The following DNAH11 variants were observed in gnomAD, a reference collection of about 807,000 sequenced individuals.
DNAH11 encodes the protein dynein axonemal heavy chain 11.
DNAH11 carries 442 observed loss-of-function variants against 526.0 expected under a neutral mutation model. The observed-to-expected ratio is 0.84, with a 90% confidence interval of 0.78 to 0.91. DNAH11 has a LOEUF of 0.91. Ranked by LOEUF, DNAH11 falls within the 40% of genes least tolerant of loss-of-function variation. DNAH11 has a pLI of 0.00. For missense variants in DNAH11, 6,989 were observed against 5,448.7 expected (o/e 1.28, Z -8.90); for synonymous variants, 2,461 against 1,935.9 (o/e 1.27, Z -7.12).
chr7:21,668,050 T>C (rs1376942989), intron 30 of DNAH11, among the ~76,000 whole-genome samples: 1 of 152,160 alleles, frequency 6.6e-6, no homozygotes, highest in East Asian at 1.9e-4. Context: ...TTCCACTCTT[T>C]CTATAAAGTT....
intron 29 of DNAH11, among the ~76,000 whole-genome samples, chr7:21,657,500 C>G (rs1464656329): frequency 2.6e-5 from 4 of 152,258 alleles, no homozygotes; most frequent in Non-Finnish European, 5.9e-5. Context: ...TGTACGTGAG[C>G]TGACATATTG....
In DNAH11 at chr7:21,615,214, A is replaced by G. The variant is rs1785712550; in HGVS notation, c.3953A>G (p.Gln1318Arg). Reference sequence around the variant, plus strand: ...CTTCCAGAGTACAAACAAATGAAACAGTGTCGCAAAGAAATAAAATTGCTC... The same window carrying G: ...CTTCCAGAGTACAAACAAATGAAACGGTGTCGCAAAGAAATAAAATTGCTC... ...VALPEYKQMK[Q>R]CRKEIKLLKG... Residue 1318 changes from glutamine to arginine, a missense_variant, in exon 21 of 82, where the codon CAG (glutamine) becomes CGG (arginine). By Grantham distance (43) the Gln-to-Arg change is conservative. Transcript: ENST00000409508. 6.2e-7 allele frequency: 1 copy of G among 1,613,448 alleles called. No homozygotes were observed. The highest frequency in any genetic ancestry group is 1.3e-5 in the African/African-American group (1 of 74,924).
intron 30 of DNAH11, among the ~76,000 whole-genome samples, chr7:21,675,206 A>G (rs1782824544): frequency 6.6e-6 from 1 of 152,354 alleles, no homozygotes; most frequent in African/African-American, 2.4e-5. Flanking sequence ...GAGCTGGGCA[A>G]GCCCTGCATG....
At chr7:21,775,930 C>A (rs1021219391) in intron 56 of DNAH11, among the ~76,000 whole-genome samples, 1 of 152,174 alleles carries the variant, frequency 6.6e-6, no homozygotes, top group Non-Finnish European at 1.5e-5. Flanking sequence ...ACTGTGGGGG[C>A]ATCCTTAGCA....
At chr7:21,650,111 A>G (rs1454562410) in intron 28 of DNAH11, among the ~76,000 whole-genome samples, 1 of 152,206 alleles carries the variant, frequency 6.6e-6, no homozygotes, top group Admixed American at 6.5e-5. Flanking sequence ...AAAACCCAGC[A>G]TTTGTGTTGT....
intron 68 of DNAH11, among the ~76,000 whole-genome samples, chr7:21,854,892 C>T (rs757830219): frequency 1.3e-4 from 20 of 152,006 alleles, no homozygotes; most frequent in Non-Finnish European, 2.4e-4. Context: ...TCATGAGGAT[C>T]TGGTTAACAA....
In DNAH11 at chr7:21,606,667, A is replaced by G. The variant is rs756045492; in HGVS notation, c.3786A>G (p.Arg1262=). The change falls in exon 20 of 82, where the codon AGA becomes AGG. Residue 1262 remains arginine (R), a synonymous_variant. Transcript: ENST00000409508. Reference sequence around the variant, plus strand: ...ATCAGGCAAAGCAGGCAGAGTTCAGAGAGAGATTCAGACACTATGCCCCTC... The same window carrying G: ...ATCAGGCAAAGCAGGCAGAGTTCAGGGAGAGATTCAGACACTATGCCCCTC... The part of the protein sequence containing the change: ...ILFDAKQAEF[R]ERFRHYAPLG... 3.2e-5 allele frequency: 51 copies of G among 1,597,594 alleles called. No homozygotes were observed. Among genetic ancestry groups the G allele is most frequent in the Non-Finnish European group, 4.2e-5 (49 of 1,173,568 alleles).
intron 45 of DNAH11, among the ~76,000 whole-genome samples, chr7:21,728,011 A>C (rs1336618176): frequency 6.6e-6 from 1 of 152,118 alleles, no homozygotes; most frequent in Non-Finnish European, 1.5e-5. Context: ...TAAGGACACC[A>C]GTCACATTGG....
At chr7:21,785,829 C>T (rs867581392) in intron 58 of DNAH11, among the ~76,000 whole-genome samples, 2 of 152,164 alleles carry the variant, frequency 1.3e-5, no homozygotes, top group Non-Finnish European at 2.9e-5. Context: ...AAATAGGCAG[C>T]TTCTGATAAG....
intron 8 of DNAH11, among the ~76,000 whole-genome samples, chr7:21,579,997 G>A (rs570034109): frequency 2.6e-5 from 4 of 152,168 alleles, no homozygotes; most frequent in Middle Eastern, 3.2e-3. Context: ...GTTTCTATTA[G>A]GGTGTATAAA....
At position 21,818,336 on chromosome 7, in the gene DNAH11, GA is replaced by G. The variant is rs766218978; in HGVS notation, c.10691del (p.Lys3564SerfsTer49). ...CTTGGCAGGAACACAATTAAAAAAG[GA>G]AAGTAAGTATTCTTGAATTTTTAAC... ...PLLGRNTIKK[G>X]KYIRIGDKEC... On this transcript the variant is annotated frameshift_variant and splice_region_variant, in exon 65 of 82. Transcript: ENST00000409508. LOFTEE classifies it high-confidence loss of function. 1 of 1,605,802 alleles carries G rather than the reference GA, an allele frequency of 6.2e-7. No individual in the cohort carries two copies. The highest frequency in any genetic ancestry group is 1.7e-5 in the Admixed American group (1 of 58,206).
chr7:21,849,146 A>G (rs1782530268), intron 66 of DNAH11, among the ~76,000 whole-genome samples: 1 of 152,210 alleles, frequency 6.6e-6, no homozygotes, highest in South Asian at 2.1e-4. Context: ...CGGCCTCCCA[A>G]AGTGCTGGGA....
intron 77 of DNAH11, among the ~76,000 whole-genome samples, chr7:21,893,911 G>A (rs1480737550): frequency 6.6e-6 from 1 of 152,070 alleles, no homozygotes; most frequent in East Asian, 1.9e-4. Flanking sequence ...TATTTTTTGA[G>A]ACAGTTTCAT....
intron 2 of DNAH11, among the ~76,000 whole-genome samples, chr7:21,556,038 TC>T (rs1415367541): frequency 6.6e-6 from 1 of 152,200 alleles, no homozygotes; most frequent in Non-Finnish European, 1.5e-5. Flanking sequence ...GTCATTTATC[TC>T]CTAGCATGCA....
At position 21,717,935 on chromosome 7, in the gene DNAH11, C is replaced by T. The variant is rs757164819; in HGVS notation, c.7134+10C>T. 2.4e-5 allele frequency: 39 copies of T among 1,607,596 alleles called. No individual in the cohort carries two copies. The highest frequency in any genetic ancestry group is 1.7e-4 in the South Asian group (15 of 90,196). ...GAGTAGCCTGGTGCAGGTTTGTCTT[C>T]GGTTACGCCATTTAACGTTCTAGTT... On this transcript the variant is annotated intron_variant, in intron 43 of 81. Coordinates refer to ENST00000409508, the MANE Select transcript of DNAH11 (RefSeq NM_001277115.2).
intron 25 of DNAH11, among the ~76,000 whole-genome samples, chr7:21,633,749 C>T (rs186714856): frequency 2.1e-4 from 32 of 152,172 alleles, no homozygotes; most frequent in African/African-American, 3.4e-4. Context: ...TTAAGGTGGG[C>T]GGAAGACCCA....
At position 21,637,702 on chromosome 7, in the gene DNAH11, GGTAAGAATAAAGCTAT is replaced by G; in HGVS notation, c.4817+1_4817+16del. 1.3e-6 allele frequency: 2 copies of G among 1,537,644 alleles called. No individual in the cohort carries two copies. Among genetic ancestry groups the G allele is most frequent in the South Asian group, 2.5e-5 (2 of 81,182 alleles). On this transcript the variant is annotated splice_donor_variant and splice_donor_5th_base_variant and intron_variant, in intron 27 of 81. Transcript: ENST00000409508. LOFTEE classifies it high-confidence loss of function. ...GAAAAACTTAAAGATTTACAGTCCA[GGTAAGAATAAAGCTAT>G]ATAAGATAATCAATTTACTGTAATT...
At chr7:21,726,754 G>A (rs1191016638) in intron 45 of DNAH11, among the ~76,000 whole-genome samples, 4 of 146,842 alleles carry the variant, frequency 2.7e-5, no homozygotes, top group Admixed American at 2.0e-4. Context: ...CCAGCTACTC[G>A]GGAGTCTGAG....
In DNAH11 at chr7:21,901,124, A is replaced by C; in HGVS notation, c.13421A>C (p.Gln4474Pro). 6.2e-7 allele frequency: 1 copy of C among 1,613,382 alleles called. No individual in the cohort carries two copies. The highest frequency in any genetic ancestry group is 8.5e-7 in the Non-Finnish European group (1 of 1,179,456). ...ATPVDRQETK[Q>P]TYECPVYRTK... Reference sequence around the variant, plus strand: ...CCCGTGGACAGACAAGAAACCAAACAGACCTACGAGTGCCCTGTGTATAGA... The same window carrying C: ...CCCGTGGACAGACAAGAAACCAAACCGACCTACGAGTGCCCTGTGTATAGA... Residue 4474 changes from glutamine to proline, a missense_variant, in exon 82 of 82, where the codon CAG becomes CCG. Physicochemically the swap from Gln to Pro is moderately conservative, Grantham distance 76 (BLOSUM62 -1). Coordinates refer to ENST00000409508, the MANE Select transcript of DNAH11 (RefSeq NM_001277115.2).
Sources: allele counts gnomAD v4.1 joint callset (sites outside exome capture counted in the v4.1 genomes callset), GRCh38; gene constraint gnomAD v4.1.1; transcripts MANE v1.5; gene names NCBI Gene and HGNC (gene_info 2026-07-23, HGNC 2026-07-21).